Variants in CTNNA3 observed in about 807,000 individuals in gnomAD.
The protein encoded by CTNNA3 is catenin alpha 3, also known as catenin alpha-3.
In CTNNA3, 76 loss-of-function variants were observed where a neutral mutation model predicts 95.7. The ratio of observed to expected loss-of-function variants is 0.79; its 90% CI spans 0.66 to 0.96. The LOEUF (loss-of-function observed/expected upper bound fraction) is 0.96, where lower values mean the gene tolerates loss of function less well. Among genes scored for constraint, CTNNA3 ranks in the 40% least tolerant of loss-of-function variants. CTNNA3 has a pLI of 0.00. For synonymous variants in CTNNA3, 431 were observed against 374.4 expected (o/e 1.15, Z -1.74); for missense variants, 1,191 against 1,089.8 (o/e 1.09, Z -1.31).
At chr10:67,187,265 C>T (rs185561384) in intron 6 of CTNNA3, among the ~76,000 whole-genome samples, 2 of 152,102 alleles carry the variant, frequency 1.3e-5, no homozygotes, top group African/African-American at 4.8e-5. Context: ...GGGGTATTAT[C>T]ATCATTAATT....
At chr10:66,292,521 C>T (rs760433437) in intron 12 of CTNNA3, among the ~76,000 whole-genome samples, 24 of 152,158 alleles carry the variant, frequency 1.6e-4, no homozygotes, top group Admixed American at 3.9e-4. Flanking sequence ...GCTTCTCAAA[C>T]CTTTTCTGTT....
intron 11 of CTNNA3, among the ~76,000 whole-genome samples, chr10:66,515,337 C>CTT (rs1840808073): frequency 1.4e-5 from 2 of 145,882 alleles, no homozygotes; most frequent in South Asian, 4.3e-4. Context: ...CTGTCTCTCT[C>CTT]TCTCTCTCTA....
chr10:66,641,264 A>G (rs1167481162), intron 9 of CTNNA3, among the ~76,000 whole-genome samples: 2 of 152,206 alleles, frequency 1.3e-5, no homozygotes, highest in African/African-American at 4.8e-5. Context: ...ATATAACTAC[A>G]TATAGCCAAT....
At chr10:67,695,434 A>G (rs757249004) in intron 1 of CTNNA3, among the ~76,000 whole-genome samples, 14 of 151,880 alleles carry the variant, frequency 9.2e-5, no homozygotes, top group Non-Finnish European at 1.5e-5. Context: ...CATTCCATAC[A>G]GTGATTTTCA....
Position 66,520,699 on chromosome 10 carries a change from C to G in CTNNA3, c.1449G>C (p.Lys483Asn), listed in dbSNP as rs773564741. Residue 483 changes from lysine (K) to asparagine (N), a missense_variant, in exon 11 of 18, where the codon AAG (lysine) becomes AAC (asparagine). Coordinates refer to ENST00000433211, the MANE Select transcript of CTNNA3 (RefSeq NM_013266.4). ...QAVKNTMEMY[K>N]RTWENHIHVL... ...CATGTATATGATTCTCCCATGTACG[C>G]TTGTACATTTCCATGGTGTTTTTGA... is the stretch of plus-strand genomic sequence containing the variant. The G allele has an allele frequency of 3.1e-6, 5 of 1,611,638 alleles. No individual in the cohort carries two copies. Among genetic ancestry groups the G allele is most frequent in the Non-Finnish European group, 4.2e-6 (5 of 1,178,616 alleles).
At chr10:65,961,888 C>A (rs184004193) in intron 17 of CTNNA3, among the ~76,000 whole-genome samples, 56 of 152,026 alleles carry the variant, frequency 3.7e-4, no homozygotes, top group African/African-American at 1.3e-3. Context: ...GCCGTATAAG[C>A]CATATTTTTG....
intron 11 of CTNNA3, among the ~76,000 whole-genome samples, chr10:66,410,421 C>T (rs544449632): frequency 6.6e-6 from 1 of 152,256 alleles, no homozygotes; most frequent in East Asian, 1.9e-4. Context: ...GTGAACTTTG[C>T]AACCCAGTAC....
intron 6 of CTNNA3, among the ~76,000 whole-genome samples, chr10:67,208,130 T>C (rs1470385217): frequency 6.6e-6 from 1 of 152,078 alleles, no homozygotes; most frequent in East Asian, 1.9e-4. Flanking sequence ...CCTAGCACTT[T>C]TGGAGGCTGA....
At chr10:66,644,147 A>G (rs1241313008) in intron 9 of CTNNA3, among the ~76,000 whole-genome samples, 2 of 151,764 alleles carry the variant, frequency 1.3e-5, no homozygotes, top group African/African-American at 4.8e-5. Flanking sequence ...AGTCCTAGCT[A>G]CTTGGCGGGG....
rs1382650560 is a variant in CTNNA3, at chr10:66,494,863, C to T, written c.1531+25754G>A. Among the ~76,000 whole-genome samples, 2 of 152,162 alleles carry T rather than the reference C, an allele frequency of 1.3e-5. 1 individual carries two copies. Among genetic ancestry groups the T allele is most frequent in the Admixed American group, 1.3e-4 (2 of 15,270 alleles). On this transcript the variant is annotated intron_variant, in intron 11 of 17. Coordinates refer to ENST00000433211, the MANE Select transcript of CTNNA3 (RefSeq NM_013266.4). ...ATCCTGTCACTTAGGAATTATCACT[C>T]CCATTTTACAGAAGAAGGAATCAAG...
chr10:66,094,091 A>G (rs1162237848), intron 14 of CTNNA3, among the ~76,000 whole-genome samples: 1 of 152,096 alleles, frequency 6.6e-6, no homozygotes, highest in Non-Finnish European at 1.5e-5. Context: ...GAGGGAAACT[A>G]TCTCAGACTT....
Position 66,478,565 on chromosome 10 carries a change from GA to G in CTNNA3, c.1531+42051del, listed in dbSNP as rs200130247. 5.9e-3 allele frequency among the ~76,000 whole-genome samples: 902 copies of G among 151,786 alleles called. 11 individuals carry two copies. The highest frequency in any genetic ancestry group is 0.021 in the African/African-American group (859 of 41,478). ...ACTGTATGAAATTTAAATTTTTGAT[GA>G]AAAAATATAGCTAATTTTTTAAAAT... On this transcript the variant is annotated intron_variant, in intron 11 of 17. Coordinates refer to ENST00000433211, the MANE Select transcript of CTNNA3 (RefSeq NM_013266.4).
intron 1 of CTNNA3, among the ~76,000 whole-genome samples, chr10:67,723,657 T>C (rs1439944741): frequency 6.6e-6 from 1 of 152,180 alleles, no homozygotes; most frequent in Non-Finnish European, 1.5e-5. Flanking sequence ...CGTAGCTTCA[T>C]TGTGAATAAA....
intron 1 of CTNNA3, among the ~76,000 whole-genome samples, chr10:67,686,918 G>C (rs1167592345): frequency 1.3e-5 from 2 of 152,036 alleles, no homozygotes; most frequent in Non-Finnish European, 2.9e-5. Context: ...ACAACAAATG[G>C]GTAACTTGTT....
chr10:66,457,773 T>C (rs1464912183), intron 11 of CTNNA3, among the ~76,000 whole-genome samples: 3 of 152,068 alleles, frequency 2.0e-5, no homozygotes, highest in African/African-American at 7.2e-5. Context: ...TGTGATGATG[T>C]ATCATCAGTA....
intron 15 of CTNNA3, among the ~76,000 whole-genome samples, chr10:65,993,185 T>C (rs2078579564): frequency 6.6e-6 from 1 of 152,222 alleles, no homozygotes; most frequent in Non-Finnish European, 1.5e-5. Flanking sequence ...ACAGGATGTC[T>C]ATGTGGTTAT....
intron 12 of CTNNA3, among the ~76,000 whole-genome samples, chr10:66,352,057 G>A (rs2092570919): frequency 6.6e-6 from 1 of 152,112 alleles, no homozygotes; most frequent in African/African-American, 2.4e-5. Context: ...GCACTAAAGA[G>A]ATGGAAGATT....
chr10:67,014,697 C>T (rs1852548423), intron 7 of CTNNA3, among the ~76,000 whole-genome samples: 1 of 151,618 alleles, frequency 6.6e-6, no homozygotes, highest in Admixed American at 6.6e-5. Context: ...TGATATATGT[C>T]CTATATAAAA....
chr10:66,373,406 T>A (rs1326033157), intron 12 of CTNNA3, among the ~76,000 whole-genome samples: 1 of 152,054 alleles, frequency 6.6e-6, no homozygotes, highest in Non-Finnish European at 1.5e-5. Context: ...CTTCAACTCA[T>A]AATGTCACCT....
Sources: gnomAD v4.1 joint callset for allele counts (sites outside exome capture counted in the v4.1 genomes callset) on GRCh38, gnomAD v4.1.1 for gene constraint, MANE v1.5 for transcripts, NCBI Gene and HGNC (gene_info 2026-07-23, HGNC 2026-07-21) for gene names.